GADL1: variants seen among roughly 807,000 people sequenced by gnomAD.
GADL1 encodes acidic amino acid decarboxylase GADL1.
In GADL1, 71 loss-of-function variants were observed where a neutral mutation model predicts 69.5. That is an observed-to-expected ratio of 1.02 (90% CI 0.84 to 1.25). The LOEUF (loss-of-function observed/expected upper bound fraction) is 1.25. GADL1 is among the 50% of genes most tolerant of loss of function. The pLI, the probability that GADL1 is intolerant of heterozygous loss-of-function variation, is 0.00. For synonymous variants in GADL1, 254 were observed against 214.4 expected, an observed-to-expected ratio of 1.18 and a Z score of -1.62; for missense variants, 737 against 631.8, an observed-to-expected ratio of 1.17 and a Z score of -1.79.
chr3:30,780,290 A>G (rs1443759458), intron 13 of GADL1, among the ~76,000 whole-genome samples: 1 of 152,148 alleles, frequency 6.6e-6, no homozygotes, highest in African/African-American at 2.4e-5. Flanking sequence ...GAGTACCACC[A>G]ATGTAACATC....
At chr3:30,740,347 G>A (rs1426896155) in intron 14 of GADL1, among the ~76,000 whole-genome samples, 1 of 152,154 alleles carries the variant, frequency 6.6e-6, no homozygotes, top group Non-Finnish European at 1.5e-5. Context: ...ATTCCTACAT[G>A]CCACGTCTAA....
At chr3:30,824,509 T>C (rs961645580) in intron 11 of GADL1, among the ~76,000 whole-genome samples, 1 of 83,862 alleles carries the variant, frequency 1.2e-5, no homozygotes, top group Admixed American at 1.5e-4. Flanking sequence ...AAAATACTCA[T>C]AGCAAATTTT....
intron 1 of GADL1, among the ~76,000 whole-genome samples, chr3:30,892,368 G>T (rs1698797885): frequency 6.6e-6 from 1 of 152,148 alleles, no homozygotes; most frequent in Non-Finnish European, 1.5e-5. Flanking sequence ...ATACTTGGAG[G>T]ATTACTTAGT....
At chr3:30,781,826 CTA>C (rs1252806804) in intron 13 of GADL1, among the ~76,000 whole-genome samples, 1 of 152,148 alleles carries the variant, frequency 6.6e-6, no homozygotes. Context: ...CAGTTAGTGA[CTA>C]TTATTTGGGG....
intron 1 of GADL1, among the ~76,000 whole-genome samples, chr3:30,875,947 C>T (rs1363365744): frequency 1.3e-5 from 2 of 151,944 alleles, no homozygotes; most frequent in East Asian, 3.9e-4. Context: ...GCCTGGATTA[C>T]CAGATTTTCC....
intron 1 of GADL1, among the ~76,000 whole-genome samples, chr3:30,893,929 CA>C (rs1439374458): frequency 6.6e-6 from 1 of 152,130 alleles, no homozygotes; most frequent in Admixed American, 6.5e-5. Flanking sequence ...CCTAAAACGC[CA>C]ACAACTAGTT....
At chr3:30,873,056 A>G (rs1436631695) in intron 1 of GADL1, among the ~76,000 whole-genome samples, 2 of 151,916 alleles carry the variant, frequency 1.3e-5, no homozygotes, top group African/African-American at 4.8e-5. Context: ...TGTATAGTGC[A>G]GTCATAGCAA....
rs532014972 is a variant in GADL1, at chr3:30,758,154, C to G, written c.1392+20025G>C. Among the ~76,000 whole-genome samples, 3 of 152,208 alleles carry G rather than the reference C, an allele frequency of 2.0e-5. No individual in the cohort carries two copies. In the South Asian group the frequency reaches 6.2e-4, roughly 31 times the overall value. On this transcript the variant is annotated intron_variant, in intron 14 of 14. Transcript: ENST00000282538. The stretch of plus-strand genomic sequence containing the variant: ...ATACCAAACTACTCTCTCCAACCAT[C>G]AAACATCATGCCTTGGCTTTACTCA...
At chr3:30,806,818 A>G (rs1318205573) in intron 11 of GADL1, among the ~76,000 whole-genome samples, 2 of 152,232 alleles carry the variant, frequency 1.3e-5, no homozygotes, top group Non-Finnish European at 2.9e-5. Flanking sequence ...ATAGCTGGAG[A>G]GTTCAGGCTA....
chr3:30,769,419 A>C (rs1332165982), intron 14 of GADL1, among the ~76,000 whole-genome samples: 12 of 152,136 alleles, frequency 7.9e-5, no homozygotes, highest in South Asian at 2.1e-4. Context: ...TCCTTAGGTT[A>C]CGCAAAGAGG....
At chr3:30,784,179 T>C (rs1210516978) in intron 13 of GADL1, among the ~76,000 whole-genome samples, 11 of 152,182 alleles carry the variant, frequency 7.2e-5, no homozygotes, top group African/African-American at 1.4e-4. Context: ...CCTCACAAAA[T>C]TGACAATTCC....
In GADL1 at chr3:30,839,107, C is replaced by A; in HGVS notation, c.793G>T (p.Ala265Ser). ...GAAGTGGCACAGACAAGAAACGGTG[C>A]TGCCCCCTGTAAGAAGGATCCACAC... ...QVWQARKEGA[A>S]PFLVCATSGT... Residue 265 changes from alanine (A) to serine (S), a missense_variant, in exon 9 of 15, where the codon GCA (alanine) becomes TCA (serine). Transcript: ENST00000282538. 1 of 1,582,180 alleles carries A rather than the reference C, an allele frequency of 6.3e-7. No individual in the cohort carries two copies. Among genetic ancestry groups the A allele is most frequent in the Non-Finnish European group, 8.6e-7 (1 of 1,164,510 alleles).
chr3:30,754,868 T>TTTC (rs892004724), intron 14 of GADL1, among the ~76,000 whole-genome samples: 36 of 151,940 alleles, frequency 2.4e-4, no homozygotes, highest in African/African-American at 8.4e-4. Context: ...TGATTTTTTT[T>TTTC]CTGAAAGTCT....
chr3:30,878,410 T>C (rs4256171), intron 1 of GADL1, among the ~76,000 whole-genome samples: 33,948 of 151,810 alleles, frequency 0.22, 4,526 homozygotes, highest in East Asian at 0.46. Flanking sequence ...GTAGTCTTTT[T>C]GGCCCATGAG....
Position 30,857,027 on chromosome 3 carries a change from T to TGTA in GADL1, c.322_324dup (p.Tyr108dup), listed in dbSNP as rs1185320241. On this transcript the variant is annotated inframe_insertion, in exon 3 of 15. Coordinates refer to ENST00000282538, the MANE Select transcript of GADL1 (RefSeq NM_207359.3). ...TTAAAGTTCTTACTAGTTTTGACAC[T>TGTA]GTAGTGTATGACATCCCGACAGAGT... 1.3e-6 allele frequency: 2 copies of TGTA among 1,549,516 alleles called. No homozygotes were observed. The highest frequency in any genetic ancestry group is 2.0e-5 in the Admixed American group (1 of 50,934).
At position 30,857,036 on chromosome 3, in the gene GADL1, T is replaced by A; in HGVS notation, c.316A>T (p.Ile106Leu). 6.5e-7 allele frequency: 1 copy of A among 1,549,516 alleles called. No individual in the cohort carries two copies. The highest frequency in any genetic ancestry group is 8.7e-7 in the Non-Finnish European group (1 of 1,145,292). Residue 106 changes from isoleucine to leucine, a missense_variant, in exon 3 of 15, where the codon ATA becomes TTA. By Grantham distance (5) the Ile-to-Leu change is conservative (BLOSUM62 2). Coordinates refer to ENST00000282538, the MANE Select transcript of GADL1 (RefSeq NM_207359.3). ...HKLLELCRDV[I>L]HYSVKTNHPR... Reference sequence around the variant, plus strand: ...TTACTAGTTTTGACACTGTAGTGTATGACATCCCGACAGAGTTCCAATAGT... The same window carrying A: ...TTACTAGTTTTGACACTGTAGTGTAAGACATCCCGACAGAGTTCCAATAGT...
chr3:30,759,269 A>C (rs1203808752), intron 14 of GADL1, among the ~76,000 whole-genome samples: 2 of 151,630 alleles, frequency 1.3e-5, no homozygotes, highest in Non-Finnish European at 3.0e-5. Flanking sequence ...AATTATCTAT[A>C]AATCTTTTTC....
chr3:30,861,565 G>A, intron 2 of GADL1, 28 bp downstream of exon 2: 1 of 1,503,796 alleles, frequency 6.6e-7, no homozygotes, highest in Non-Finnish European at 9.0e-7. Context: ...TCCCATTTCT[G>A]CAATTTCTTA....
At chr3:30,887,403 A>C (rs896259216) in intron 1 of GADL1, among the ~76,000 whole-genome samples, 1 of 152,172 alleles carries the variant, frequency 6.6e-6, no homozygotes, top group Non-Finnish European at 1.5e-5. Flanking sequence ...ATGGGTTATC[A>C]TAGGAAGGGA....
Sources: gnomAD v4.1 joint callset for allele counts (sites outside exome capture counted in the v4.1 genomes callset) on GRCh38, gnomAD v4.1.1 for gene constraint, MANE v1.5 for transcripts, NCBI Gene and HGNC (gene_info 2026-07-23, HGNC 2026-07-21) for gene names.